Variants in RALGAPA1 observed in about 807,000 individuals in gnomAD.
RALGAPA1 encodes the protein ral GTPase-activating protein subunit alpha-1.
Under a neutral mutation model 269.6 loss-of-function variants are expected in RALGAPA1, and 52 were observed. The observed-to-expected ratio is 0.19, with a 90% CI of 0.15 to 0.24. The LOEUF (loss-of-function observed/expected upper bound fraction) is 0.24, where lower values mean the gene tolerates loss of function less well. Among genes scored for constraint, RALGAPA1 ranks in the 10% least tolerant of loss-of-function variants. RALGAPA1 has a pLI of 1.00. For missense variants in RALGAPA1, 1,917 were observed against 3,013.9 expected (o/e 0.64, Z 8.52); for synonymous variants, 817 against 1,008.3 (o/e 0.81, Z 3.60).
Position 35,548,545 on chromosome 14 carries a change from A to G in RALGAPA1, c.7622-7T>C, listed in dbSNP as rs751326902. The G allele has an allele frequency of 1.3e-6, 2 of 1,564,034 alleles. No individual in the cohort carries two copies. Among genetic ancestry groups the G allele is most frequent in the Non-Finnish European group, 1.7e-6 (2 of 1,145,748 alleles). On this transcript the variant is annotated splice_polypyrimidine_tract_variant and splice_region_variant and intron_variant, in intron 40 of 41. Transcript: ENST00000680220. ...AGAACTGATATTTAATGATCTAAAG[A>G]GGGAAAATAAATGAAACAATCATAA...
At position 35,689,823 on chromosome 14, in the gene RALGAPA1, A is replaced by C; in HGVS notation, c.2588T>G (p.Val863Gly). The change falls in exon 18 of 42, where the codon GTC (valine) becomes GGC (glycine). Residue 863 changes from valine to glycine, a missense_variant. By Grantham distance (109) the Val-to-Gly change is moderately radical. Transcript: ENST00000680220. The stretch of plus-strand genomic sequence containing the variant: ...TGCATGACGGGATGAACTGTCAATG[A>C]CAGGAACTGCACCTTTGGCTCGTTC... ...TVERAKGAVPVIDSSSRHAPS... is the reference protein window; with the variant it reads ...TVERAKGAVPGIDSSSRHAPS... 1 of 1,582,468 alleles carries C rather than the reference A, an allele frequency of 6.3e-7. No homozygotes were observed. The highest frequency in any genetic ancestry group is 8.5e-7 in the Non-Finnish European group (1 of 1,169,880).
At chr14:35,594,738 T>G (rs139472194) in intron 37 of RALGAPA1, among the ~76,000 whole-genome samples, 2 of 145,750 alleles carry the variant, frequency 1.4e-5, no homozygotes, top group African/African-American at 5.1e-5. Context: ...AAAAAAAAAG[T>G]ACGGAGGTTC....
chr14:35,656,386 T>C (rs766103492), intron 28 of RALGAPA1, among the ~76,000 whole-genome samples: 1 of 152,160 alleles, frequency 6.6e-6, no homozygotes, highest in South Asian at 2.1e-4. Flanking sequence ...AACATAAAAT[T>C]TATGTAACTT....
chr14:35,563,786 T>G lies in RALGAPA1; in HGVS notation c.7496+6831A>C, dbSNP rs182753385. On this transcript the variant is annotated intron_variant, in intron 39 of 41. Transcript: ENST00000680220. ...TGTTCTTGGAACACTTACACTAGCC[T>G]GCAGTTGGGTAAAATCATCTAATGC... Among the ~76,000 whole-genome samples the G allele has an allele frequency of 2.3e-3, 356 of 152,300 alleles. 3 individuals are homozygous for G. Among genetic ancestry groups the G allele is most frequent in the Non-Finnish European group, 4.0e-3 (274 of 68,016 alleles).
At chr14:35,598,977 G>A (rs1389284322) in intron 36 of RALGAPA1, among the ~76,000 whole-genome samples, 2 of 151,970 alleles carry the variant, frequency 1.3e-5, no homozygotes, top group African/African-American at 2.4e-5. Context: ...TCATTCTTTT[G>A]AGTGTACACT....
chr14:35,721,056 A>C (rs1027750931), intron 16 of RALGAPA1, among the ~76,000 whole-genome samples: 1 of 152,178 alleles, frequency 6.6e-6, no homozygotes, highest in Non-Finnish European at 1.5e-5. Flanking sequence ...AATTCAGCCA[A>C]GTTTATAAAC....
chr14:35,682,750 A>G (rs2065564010), intron 21 of RALGAPA1, among the ~76,000 whole-genome samples: 1 of 152,214 alleles, frequency 6.6e-6, no homozygotes, highest in African/African-American at 2.4e-5. Context: ...TCATTATAAA[A>G]TAAGAATTTT....
chr14:35,585,731 T>C (rs1235655362), intron 37 of RALGAPA1, among the ~76,000 whole-genome samples: 1 of 152,204 alleles, frequency 6.6e-6, no homozygotes, highest in Non-Finnish European at 1.5e-5. Context: ...TTTCTTGTTT[T>C]TGTCAGGTGT....
rs2064435519 is a variant in RALGAPA1, at chr14:35,671,530, A to C, written c.5074-13T>G. 6.9e-7 allele frequency: 1 copy of C among 1,453,024 alleles called. No homozygotes were observed. The highest frequency in any genetic ancestry group is 1.7e-5 in the Admixed American group (1 of 58,182). 90.0% of individuals were successfully genotyped at this position (1,453,024 alleles called of 1,614,324 possible). ...TATTGACAATATCCTTAGAATAAGG[A>C]AAGAAGGAAAAAAGAATATCACATA... On this transcript the variant is annotated splice_polypyrimidine_tract_variant and intron_variant, in intron 25 of 41. Coordinates refer to ENST00000680220, the MANE Select transcript of RALGAPA1 (RefSeq NM_001346249.2).
At chr14:35,611,292 G>A (rs571273824) in intron 35 of RALGAPA1, among the ~76,000 whole-genome samples, 7 of 152,060 alleles carry the variant, frequency 4.6e-5, no homozygotes, top group Middle Eastern at 3.4e-3. Context: ...TCAAGAGATA[G>A]AGGGGGCGAG....
At chr14:35,634,016 A>T (rs2061512769) in intron 33 of RALGAPA1, among the ~76,000 whole-genome samples, 1 of 152,208 alleles carries the variant, frequency 6.6e-6, no homozygotes, top group African/African-American at 2.4e-5. Flanking sequence ...CATTTTACAA[A>T]TAAGAAAACA....
intron 1 of RALGAPA1, among the ~76,000 whole-genome samples, chr14:35,777,645 C>T (rs1209253797): frequency 6.6e-6 from 1 of 152,174 alleles, no homozygotes; most frequent in Non-Finnish European, 1.5e-5. Flanking sequence ...TCCCTGCAAC[C>T]TCCACCTCCA....
At chr14:35,703,303 C>T (rs917307562) in intron 16 of RALGAPA1, among the ~76,000 whole-genome samples, 2 of 152,164 alleles carry the variant, frequency 1.3e-5, no homozygotes, top group Non-Finnish European at 2.9e-5. Flanking sequence ...GAGACCCCAT[C>T]TCTACAAAAA....
intron 1 of RALGAPA1, among the ~76,000 whole-genome samples, chr14:35,803,035 G>C (rs1762030082): frequency 6.6e-6 from 1 of 151,818 alleles, no homozygotes; most frequent in South Asian, 2.1e-4. Flanking sequence ...CTGGCATTTG[G>C]GAAAAAAAGA....
At chr14:35,665,659 T>C (rs193025280) in intron 26 of RALGAPA1, among the ~76,000 whole-genome samples, 10 of 152,284 alleles carry the variant, frequency 6.6e-5, no homozygotes, top group African/African-American at 1.9e-4. Flanking sequence ...ACAATGTGGA[T>C]TTAAAGATAC....
chr14:35,744,779 A>G (rs1338485668), intron 10 of RALGAPA1, among the ~76,000 whole-genome samples: 1 of 152,222 alleles, frequency 6.6e-6, no homozygotes, highest in Admixed American at 6.5e-5. Context: ...CTTTAAGAAT[A>G]TTTATTTTAC....
At chr14:35,564,521 T>C (rs2056541552) in intron 39 of RALGAPA1, 1 of 152,180 alleles carries the variant, frequency 6.6e-6, no homozygotes, top group Non-Finnish European at 1.5e-5. Flanking sequence ...GAATAAACTG[T>C]AACTAATTGA....
intron 10 of RALGAPA1, among the ~76,000 whole-genome samples, chr14:35,743,900 TA>T (rs976220311): frequency 6.6e-6 from 1 of 151,818 alleles, no homozygotes; most frequent in African/African-American, 2.4e-5. Context: ...TCTGGGATCT[TA>T]AAAAAAATAT....
intron 37 of RALGAPA1, among the ~76,000 whole-genome samples, chr14:35,594,892 C>A (rs1353474311): frequency 6.6e-6 from 1 of 151,912 alleles, no homozygotes; most frequent in Non-Finnish European, 1.5e-5. Context: ...CCAAGATATG[C>A]AAAACTGTCC....
Sources: gnomAD v4.1 joint callset for allele counts (sites outside exome capture counted in the v4.1 genomes callset) on GRCh38, gnomAD v4.1.1 for gene constraint, MANE v1.5 for transcripts, NCBI Gene and HGNC (gene_info 2026-07-23, HGNC 2026-07-21) for gene names.